EYA1: variants seen among roughly 807,000 people sequenced by gnomAD.
EYA1 encodes protein phosphatase EYA1.
EYA1 carries 16 observed loss-of-function variants against 82.0 expected under a neutral mutation model. That is an observed-to-expected ratio of 0.20 (90% CI 0.13 to 0.30). The LOEUF (loss-of-function observed/expected upper bound fraction) is 0.30. Among genes scored for constraint, EYA1 ranks in the 10% least tolerant of loss-of-function variants. The pLI is 1.00. For missense variants in EYA1, 633 were observed against 730.7 expected, an observed-to-expected ratio of 0.87 and a Z score of 1.54; for synonymous variants, 261 against 264.4, an observed-to-expected ratio of 0.99 and a Z score of 0.12.
At chr8:71,296,091 A>G (rs982481505) in intron 9 of EYA1, among the ~76,000 whole-genome samples, 4 of 152,212 alleles carry the variant, frequency 2.6e-5, no homozygotes, top group African/African-American at 9.6e-5. Context: ...GTGAAGAAAG[A>G]GCTAACAAAT....
At chr8:71,259,620 C>G (rs1393478612) in intron 11 of EYA1, among the ~76,000 whole-genome samples, 1 of 152,204 alleles carries the variant, frequency 6.6e-6, no homozygotes, top group Non-Finnish European at 1.5e-5. Flanking sequence ...ACACCAACCC[C>G]TCACAGAAGT....
intron 2 of EYA1, among the ~76,000 whole-genome samples, chr8:71,371,200 A>G (rs7821326): frequency 0.099 from 15,013 of 152,200 alleles, 824 homozygotes; most frequent in African/African-American, 0.11. Context: ...CTACATAGTC[A>G]GTAAAATAAG....
intron 2 of EYA1, among the ~76,000 whole-genome samples, chr8:71,397,324 T>C: frequency 6.6e-6 from 1 of 152,254 alleles, no homozygotes; most frequent in Non-Finnish European, 1.5e-5. Flanking sequence ...AACTTGATCC[T>C]GTCATTATGA....
intron 7 of EYA1, among the ~76,000 whole-genome samples, chr8:71,311,790 A>C (rs1394959401): frequency 2.0e-5 from 3 of 152,240 alleles, no homozygotes; most frequent in African/African-American, 7.2e-5. Flanking sequence ...CAGTGATCTT[A>C]CAGCAAAGGT....
chr8:71,459,894 T>C (rs1354379024), intron 2 of EYA1, among the ~76,000 whole-genome samples: 2 of 152,200 alleles, frequency 1.3e-5, no homozygotes, highest in African/African-American at 4.8e-5. Flanking sequence ...ATTAAGCTCA[T>C]TTTCCAATTT....
intron 2 of EYA1, among the ~76,000 whole-genome samples, chr8:71,501,504 T>C (rs1440407365): frequency 6.6e-6 from 1 of 152,236 alleles, no homozygotes; most frequent in Non-Finnish European, 1.5e-5. Context: ...GAAAATTGTA[T>C]GGCATTCTCT....
chr8:71,318,605 A>C (rs1207193756), intron 6 of EYA1, among the ~76,000 whole-genome samples: 3 of 151,858 alleles, frequency 2.0e-5, no homozygotes, highest in African/African-American at 7.3e-5. Context: ...CATGTTAACA[A>C]CTCTCCTTCA....
chr8:71,209,156 G>A (rs1355840995), intron 17 of EYA1, among the ~76,000 whole-genome samples: 1 of 152,238 alleles, frequency 6.6e-6, no homozygotes, highest in Non-Finnish European at 1.5e-5. Flanking sequence ...CCACTAGGAG[G>A]GTCCTGAATA....
At chr8:71,364,939 CATATATATATATATATATATATAT>C (rs34890892), upstream of EYA1, among the ~76,000 whole-genome samples, 53 of 88,182 alleles carry the variant, frequency 6.0e-4, 2 homozygotes, top group African/African-American at 2.2e-3. Flanking sequence ...AAGCAAATGT[CATATATATATATATATATATATAT>C]ATATATATAT....
chr8:71,391,775 G>T (rs10089898), intron 2 of EYA1, among the ~76,000 whole-genome samples: 1 of 151,962 alleles, frequency 6.6e-6, no homozygotes, highest in Non-Finnish European at 1.5e-5. Context: ...CTTGGACAGT[G>T]GTTCATACTG....
rs554347178 is a variant in EYA1, at chr8:71,398,796, T to A, written c.34-42285A>T. 7.1e-4 allele frequency among the ~76,000 whole-genome samples: 108 copies of A among 152,340 alleles called. 2 individuals carry two copies. In the South Asian group the frequency reaches 0.022, roughly 30 times the overall value. ...TGTTCTCAGGTCTCAAACTCCGTGCTGGGAGAACCACTACTCTCTTCAAAG... is the reference window on the plus strand; with the variant it reads ...TGTTCTCAGGTCTCAAACTCCGTGCAGGGAGAACCACTACTCTCTTCAAAG... On this transcript the variant is annotated intron_variant, in intron 2 of 18. Transcript: ENST00000643681.
At chr8:71,320,494 C>T (rs967508974) in intron 6 of EYA1, among the ~76,000 whole-genome samples, 1 of 151,988 alleles carries the variant, frequency 6.6e-6, no homozygotes, top group Non-Finnish European at 1.5e-5. Context: ...AAATTTAATC[C>T]ATAGCTAATA....
At chr8:71,446,803 T>C (rs1486418031) in intron 2 of EYA1, among the ~76,000 whole-genome samples, 2 of 152,200 alleles carry the variant, frequency 1.3e-5, no homozygotes, top group Admixed American at 6.5e-5. Context: ...GCAGTTATGA[T>C]TGATCTTAGC....
chr8:71,329,903 A>G (rs936284042), intron 4 of EYA1, among the ~76,000 whole-genome samples: 2 of 152,108 alleles, frequency 1.3e-5, no homozygotes, highest in Non-Finnish European at 2.9e-5. Context: ...ATCCGGTAGA[A>G]CAGAAGTAGA....
intron 12 of EYA1, among the ~76,000 whole-genome samples, chr8:71,237,344 A>G (rs566315395): frequency 1.1e-4 from 16 of 152,290 alleles, no homozygotes; most frequent in Middle Eastern, 3.4e-3. Context: ...CTGTAGCTTG[A>G]TAATTTGAAT....
intron 2 of EYA1, among the ~76,000 whole-genome samples, chr8:71,395,203 G>A (rs1263747498): frequency 6.6e-6 from 1 of 152,190 alleles, no homozygotes; most frequent in African/African-American, 2.4e-5. Context: ...TGAGATGATG[G>A]GGTTTTCTAA....
At chr8:71,322,584 C>T (rs965096646) in intron 4 of EYA1, 2 of 355,826 alleles carry the variant, frequency 5.6e-6, no homozygotes, top group East Asian at 6.5e-5. Context: ...TACAAGGAGT[C>T]CTGGCTACTG....
At chr8:71,235,528 T>C (rs1811720874) in intron 12 of EYA1, among the ~76,000 whole-genome samples, 1 of 152,138 alleles carries the variant, frequency 6.6e-6, no homozygotes, top group Non-Finnish European at 1.5e-5. Flanking sequence ...CAGCTAACAA[T>C]GCCCCACTCC....
chr8:71,433,502 CG>C (rs1805781549), intron 2 of EYA1, among the ~76,000 whole-genome samples: 1 of 152,112 alleles, frequency 6.6e-6, no homozygotes, highest in Admixed American at 6.6e-5. Flanking sequence ...CATAGTTTCC[CG>C]GGAGAGCTTA....
Sources: gnomAD v4.1 joint callset for allele counts (sites outside exome capture counted in the v4.1 genomes callset) on GRCh38, gnomAD v4.1.1 for gene constraint, MANE v1.5 for transcripts, NCBI Gene and HGNC (gene_info 2026-07-23, HGNC 2026-07-21) for gene names.